The following TNFSF13B variants were observed in gnomAD, a reference collection of about 807,000 sequenced individuals.
TNFSF13B encodes the protein TNF superfamily member 13b.
In TNFSF13B, 8 loss-of-function variants were observed where a neutral mutation model predicts 29.1. The observed-to-expected ratio is 0.27, with a 90% confidence interval of 0.16 to 0.50. The LOEUF (loss-of-function observed/expected upper bound fraction) is 0.50. Among genes scored for constraint, TNFSF13B ranks in the 20% least tolerant of loss-of-function variants. TNFSF13B has a pLI of 0.98. For synonymous variants in TNFSF13B, 125 were observed against 130.8 expected (o/e 0.96, Z 0.30); for missense variants, 248 against 334.9 (o/e 0.74, Z 2.03).
Position 108,269,987 on chromosome 13 carries a change from T to A in TNFSF13B, c.92T>A (p.Leu31His). ...EMKLKECVSI[L>H]PRKESPSVRS... ...AAACTGAAGGAGTGTGTTTCCATCCTCCCACGGAAGGAAAGCCCCTCTGTC... is the reference window on the plus strand; with the variant it reads ...AAACTGAAGGAGTGTGTTTCCATCCACCCACGGAAGGAAAGCCCCTCTGTC... The change falls in exon 1 of 6, where the codon CTC (leucine) becomes CAC (histidine). Residue 31 changes from leucine to histidine, a missense_variant. Around this residue, in one of 2 missense-constraint regions of TNFSF13B, gnomAD observed 186 missense variants for 196.3 expected, o/e 0.95. Transcript: ENST00000375887. 4 of 1,613,480 alleles carry A rather than the reference T, an allele frequency of 2.5e-6. No homozygotes were observed. The highest frequency in any genetic ancestry group is 1.7e-5 in the Admixed American group (1 of 60,008).
At chr13:108,298,716 C>G (rs1338636417) in intron 3 of TNFSF13B, among the ~76,000 whole-genome samples, 2 of 145,480 alleles carry the variant, frequency 1.4e-5, no homozygotes, top group Non-Finnish European at 3.1e-5. Flanking sequence ...GTAGCTCATG[C>G]CTGTAATCCC....
chr13:108,282,075 A>G (rs1378288773), intron 2 of TNFSF13B, among the ~76,000 whole-genome samples: 1 of 152,224 alleles, frequency 6.6e-6, no homozygotes, highest in African/African-American at 2.4e-5. Flanking sequence ...CTCCTTCTTT[A>G]AAAACATATG....
intron 2 of TNFSF13B, among the ~76,000 whole-genome samples, chr13:108,271,386 C>T (rs1880608241): frequency 6.7e-6 from 1 of 150,200 alleles, no homozygotes; most frequent in African/African-American, 2.4e-5. Flanking sequence ...TGTATATTTT[C>T]ACTTCTGAAG....
At chr13:108,278,341 G>A (rs1880814911) in intron 2 of TNFSF13B, among the ~76,000 whole-genome samples, 1 of 152,024 alleles carries the variant, frequency 6.6e-6, no homozygotes, top group African/African-American at 2.4e-5. Context: ...GAGCTGAAGT[G>A]GGTTTGAAGA....
chr13:108,293,368 A>G (rs1881380708), intron 3 of TNFSF13B, among the ~76,000 whole-genome samples: 1 of 152,088 alleles, frequency 6.6e-6, no homozygotes, highest in Admixed American at 6.6e-5. Context: ...GAATCCTTCA[A>G]TCTTGTTATT....
intron 5 of TNFSF13B, among the ~76,000 whole-genome samples, chr13:108,306,229 T>G (rs949117281): frequency 6.6e-6 from 1 of 152,056 alleles, no homozygotes; most frequent in African/African-American, 2.4e-5. Flanking sequence ...AACATGGTCA[T>G]CTAAGAAAAC....
At chr13:108,293,583 T>A (rs186569079) in intron 3 of TNFSF13B, among the ~76,000 whole-genome samples, 32 of 152,334 alleles carry the variant, frequency 2.1e-4, no homozygotes. Flanking sequence ...TTTATTTATA[T>A]GTCCTATCAT....
At chr13:108,292,190 C>T (rs373589310) in intron 3 of TNFSF13B, among the ~76,000 whole-genome samples, 9 of 151,982 alleles carry the variant, frequency 5.9e-5, no homozygotes, top group African/African-American at 1.9e-4. Flanking sequence ...GTGGATTCAC[C>T]TATTTTAGAT....
At chr13:108,291,067 A>G (rs1226266981) in intron 3 of TNFSF13B, among the ~76,000 whole-genome samples, 1 of 151,342 alleles carries the variant, frequency 6.6e-6, no homozygotes, top group African/African-American at 2.4e-5. Flanking sequence ...TGTTTTTTTC[A>G]CTTTTTAAAT....
intron 3 of TNFSF13B, among the ~76,000 whole-genome samples, chr13:108,287,508 C>T (rs188786798): frequency 1.5e-3 from 224 of 152,000 alleles, no homozygotes; most frequent in African/African-American, 5.1e-3. Flanking sequence ...CTTAGAGGCA[C>T]GAATACTTAG....
rs182949218 is a variant in TNFSF13B, at chr13:108,291,169, T to C, written c.481+4310T>C. Among the ~76,000 whole-genome samples, 226 of 152,060 alleles carry C rather than the reference T, an allele frequency of 1.5e-3. 1 individual carries two copies. Among genetic ancestry groups the C allele is most frequent in the Admixed American group, 5.8e-3 (88 of 15,266 alleles). On this transcript the variant is annotated intron_variant, in intron 3 of 5. Transcript: ENST00000375887. The stretch of plus-strand genomic sequence containing the variant: ...ACTAGGGCTTTGTATTATTTTCTGG[T>C]AAATTTAATTCACTCATTTTTTCTT...
intron 2 of TNFSF13B, among the ~76,000 whole-genome samples, chr13:108,277,823 G>T (rs552941297): frequency 6.6e-6 from 1 of 152,230 alleles, no homozygotes; most frequent in South Asian, 2.1e-4. Context: ...TCGCCATCTT[G>T]GTTTTGGTGG....
At chr13:108,279,555 G>T (rs569199072) in intron 2 of TNFSF13B, among the ~76,000 whole-genome samples, 1 of 152,168 alleles carries the variant, frequency 6.6e-6, no homozygotes, top group South Asian at 2.1e-4. Flanking sequence ...TGGGTGACAC[G>T]CATGAGACTG....
At chr13:108,291,538 T>A (rs995083983) in intron 3 of TNFSF13B, among the ~76,000 whole-genome samples, 9 of 151,950 alleles carry the variant, frequency 5.9e-5, no homozygotes, top group Non-Finnish European at 1.3e-4. Flanking sequence ...CTGGTTGTTC[T>A]TTTTGTGTAT....
chr13:108,270,481 C>G, intron 2 of TNFSF13B, 57 bp downstream of exon 2: 3 of 1,505,422 alleles, frequency 2.0e-6, no homozygotes, highest in Non-Finnish European at 2.8e-6. Flanking sequence ...AACATCCAGT[C>G]TGGGGGAGCT....
intron 3 of TNFSF13B, among the ~76,000 whole-genome samples, chr13:108,289,466 C>G (rs1247336597): frequency 6.6e-6 from 1 of 151,554 alleles, no homozygotes; most frequent in Non-Finnish European, 1.5e-5. Context: ...AAAGGCTGTA[C>G]TCACTAAAGC....
At chr13:108,270,950 TACAC>T (rs138902471) in intron 2 of TNFSF13B, among the ~76,000 whole-genome samples, 10 of 150,470 alleles carry the variant, frequency 6.6e-5, no homozygotes, top group African/African-American at 1.7e-4. Context: ...AAGGTTATTT[TACAC>T]ACACACACAC....
Position 108,269,869 on chromosome 13 carries a change from C to A in TNFSF13B, c.-27C>A. The A allele has an allele frequency of 1.3e-6, 2 of 1,565,710 alleles. No individual in the cohort carries two copies. Among genetic ancestry groups the A allele is most frequent in the South Asian group, 1.2e-5 (1 of 84,938 alleles). ...CCCTGTGGTCACTTATTCTAAAGGC[C>A]CCAACCTTCAAAGTTCAAGTAGTGA... is the stretch of plus-strand genomic sequence containing the variant. On this transcript the variant is annotated 5_prime_UTR_variant, in exon 1 of 6. Coordinates refer to ENST00000375887, the MANE Select transcript of TNFSF13B (RefSeq NM_006573.5).
chr13:108,294,862 T>C (rs905243061), intron 3 of TNFSF13B, among the ~76,000 whole-genome samples: 2 of 145,438 alleles, frequency 1.4e-5, no homozygotes, highest in South Asian at 4.3e-4. Flanking sequence ...GAGGGAAGAC[T>C]TGGATTAATT....
Sources: allele counts gnomAD v4.1 joint callset (sites outside exome capture counted in the v4.1 genomes callset), GRCh38; gene constraint gnomAD v4.1.1; regional missense constraint gnomAD v4.1.1; transcripts MANE v1.5; gene names NCBI Gene and HGNC (gene_info 2026-07-23, HGNC 2026-07-21).